The following CDYL variants were observed in gnomAD, a reference collection of about 807,000 sequenced individuals.
CDYL encodes chromodomain Y-like protein.
CDYL carries 8 observed loss-of-function variants against 47.3 expected under a neutral mutation model. The ratio of observed to expected loss-of-function variants is 0.17; its 90% CI spans 0.10 to 0.31. The LOEUF is 0.31. Ranked by LOEUF, CDYL falls within the 10% of genes least tolerant of loss-of-function variation. CDYL has a pLI of 1.00. For missense variants in CDYL, 471 were observed against 701.4 expected (o/e 0.67, Z 3.71); for synonymous variants, 266 against 265.0 (o/e 1.00, Z -0.04).
rs1395886963 is a variant in CDYL, at chr6:4,900,815, ATATATATATATATATCT to A, written c.691+8438_691+8454del. Among the ~76,000 whole-genome samples, 282 of 89,376 alleles carry A rather than the reference ATATATATATATATATCT, an allele frequency of 3.2e-3. 8 individuals are homozygous for A. The highest frequency in any genetic ancestry group is 9.1e-3 in the African/African-American group (221 of 24,296). The allele number at this position is 89,376 out of a possible 152,430, so 58.6% of individuals were successfully genotyped here. On this transcript the variant is annotated intron_variant, in intron 2 of 6. Coordinates refer to ENST00000397588, the MANE Select transcript of CDYL (RefSeq NM_004824.4). ...TATATATATATATATATATATATAT[ATATATATATATATATCT>A]TGCCTGTTTTTCTTTTGGGTGGTTT...
chr6:4,729,948 A>T (rs1422454726), intron 2 of CDYL, among the ~76,000 whole-genome samples: 1 of 152,166 alleles, frequency 6.6e-6, no homozygotes, highest in Non-Finnish European at 1.5e-5. Flanking sequence ...TAGTACAGGT[A>T]CCTTGAAACA....
intron 2 of CDYL, among the ~76,000 whole-genome samples, chr6:4,914,471 A>G (rs1433352896): frequency 6.6e-6 from 1 of 152,052 alleles, no homozygotes; most frequent in African/African-American, 2.4e-5. Context: ...TCTTACTATT[A>G]TCTGTCTCTT....
intron 1 of CDYL, among the ~76,000 whole-genome samples, chr6:4,800,718 T>A (rs1234044679): frequency 1.3e-5 from 2 of 152,218 alleles, no homozygotes; most frequent in East Asian, 3.8e-4. Context: ...CTGGTTTTCT[T>A]CCTTTTCCTT....
intron 1 of CDYL, among the ~76,000 whole-genome samples, chr6:4,847,701 A>G (rs1006923883): frequency 6.6e-5 from 10 of 152,208 alleles, no homozygotes; most frequent in Admixed American, 5.9e-4. Context: ...GGTAATTTCA[A>G]ATTTCATACT....
chr6:4,740,003 GA>G (rs1757768941), intron 3 of CDYL, among the ~76,000 whole-genome samples: 1 of 152,088 alleles, frequency 6.6e-6, no homozygotes, highest in African/African-American at 2.4e-5. Flanking sequence ...ATTTCTGATG[GA>G]AAGGAAATGG....
chr6:4,898,310 A>G (rs1276655372), intron 2 of CDYL, among the ~76,000 whole-genome samples: 1 of 152,204 alleles, frequency 6.6e-6, no homozygotes, highest in African/African-American at 2.4e-5. Flanking sequence ...GGAAACCTCC[A>G]CTTGAAAAGA....
At chr6:4,938,123 C>G (rs186354020) in intron 4 of CDYL, among the ~76,000 whole-genome samples, 1 of 152,320 alleles carries the variant, frequency 6.6e-6, no homozygotes, top group African/African-American at 2.4e-5. Flanking sequence ...AAGATCTCTT[C>G]CAAATAGTAA....
chr6:4,893,290 GCT>G (rs1178532122), intron 2 of CDYL, among the ~76,000 whole-genome samples: 1 of 152,174 alleles, frequency 6.6e-6, no homozygotes, highest in African/African-American at 2.4e-5. Context: ...CCTCTGGCTC[GCT>G]CTCTCTGTCA....
chr6:4,895,734 G>A (rs1204838058), intron 2 of CDYL, among the ~76,000 whole-genome samples: 1 of 151,970 alleles, frequency 6.6e-6, no homozygotes, highest in Admixed American at 6.6e-5. Flanking sequence ...TGCAGCCCTC[G>A]CCAGATCCAC....
rs548129566 is a variant in CDYL at position 4,837,547 on chromosome 6, C to G, written c.25-54166C>G. On this transcript the variant is annotated intron_variant, in intron 1 of 6. Transcript: ENST00000397588. ...TGGCACGATCTTGGCTCAGTGCAAC[C>G]TCCACCTCCCGGGTTCAAGCGATTC... Among the ~76,000 whole-genome samples the G allele has an allele frequency of 1.4e-3, 217 of 150,892 alleles. 1 individual carries two copies. Among genetic ancestry groups the G allele is most frequent in the Non-Finnish European group, 1.7e-3 (117 of 67,758 alleles).
At chr6:4,783,279 A>C (rs1481890498) in intron 1 of CDYL, among the ~76,000 whole-genome samples, 1 of 149,646 alleles carries the variant, frequency 6.7e-6, no homozygotes, top group Non-Finnish European at 1.5e-5. Flanking sequence ...TATTATCTGG[A>C]CATGTCTTTA....
chr6:4,718,365 G>GC (rs1236721616), intron 2 of CDYL, among the ~76,000 whole-genome samples: 1 of 151,982 alleles, frequency 6.6e-6, no homozygotes, highest in Non-Finnish European at 1.5e-5. Context: ...TGCAACCTCT[G>GC]CCTCCTGGGT....
intron 2 of CDYL, among the ~76,000 whole-genome samples, chr6:4,726,687 T>C (rs1284964722): frequency 6.7e-6 from 1 of 149,708 alleles, no homozygotes; most frequent in Non-Finnish European, 1.5e-5. Context: ...GGTGAGAGAG[T>C]GAGACCTGTC....
intron 1 of CDYL, among the ~76,000 whole-genome samples, chr6:4,881,329 A>C (rs891502682): frequency 3.3e-5 from 5 of 151,470 alleles, no homozygotes; most frequent in Non-Finnish European, 7.4e-5. Flanking sequence ...ATACTTGTTG[A>C]TATTATTATG....
intron 2 of CDYL, among the ~76,000 whole-genome samples, chr6:4,921,375 T>G (rs769026616): frequency 6.6e-6 from 1 of 152,238 alleles, no homozygotes; most frequent in African/African-American, 2.4e-5. Flanking sequence ...TCCCGTAGGT[T>G]GATGCCAGAA....
chr6:4,952,032 T>C (rs1758719640), intron 5 of CDYL, among the ~76,000 whole-genome samples: 1 of 152,088 alleles, frequency 6.6e-6, no homozygotes, highest in African/African-American at 2.4e-5. Flanking sequence ...ATAAGACACT[T>C]TTTGCTTTCC....
At chr6:4,757,265 G>A (rs73360651) in intron 3 of CDYL, among the ~76,000 whole-genome samples, 46 of 152,182 alleles carry the variant, frequency 3.0e-4, no homozygotes, top group Non-Finnish European at 5.1e-4. Flanking sequence ...TAATGCAATT[G>A]TTAGGATTAT....
chr6:4,861,202 A>G (rs780778925), intron 1 of CDYL, among the ~76,000 whole-genome samples: 7 of 152,222 alleles, frequency 4.6e-5, no homozygotes, highest in Non-Finnish European at 7.4e-5. Flanking sequence ...CTTTCTGGCT[A>G]TGTGTATGGC....
intron 1 of CDYL, among the ~76,000 whole-genome samples, chr6:4,889,760 T>C (rs1761990696): frequency 6.6e-6 from 1 of 152,218 alleles, no homozygotes; most frequent in African/African-American, 2.4e-5. Context: ...TGGCAGTTTA[T>C]GTAAAGTTTG....
Sources: allele counts gnomAD v4.1 joint callset (sites outside exome capture counted in the v4.1 genomes callset), GRCh38; gene constraint gnomAD v4.1.1; transcripts MANE v1.5; gene names NCBI Gene and HGNC (gene_info 2026-07-23, HGNC 2026-07-21).